KCNN2: variants seen among roughly 807,000 people sequenced by gnomAD.
The protein encoded by KCNN2 is potassium calcium-activated channel subfamily N member 2.
A neutral mutation model predicts 55.5 loss-of-function variants in KCNN2; 24 were observed. That is an observed-to-expected ratio of 0.43 (90% CI 0.31 to 0.61). The LOEUF (loss-of-function observed/expected upper bound fraction) is 0.61. KCNN2 is among the 20% of genes least tolerant of loss of function. The pLI, the probability that KCNN2 is intolerant of heterozygous loss-of-function variation, is 0.08. For missense variants in KCNN2, 754 were observed against 853.6 expected (o/e 0.88, Z 1.45); for synonymous variants, 431 against 336.1 (o/e 1.28, Z -3.09).
At position 114,467,659 on chromosome 5, in the gene KCNN2, C is replaced by T. The variant is rs1296863128; in HGVS notation, c.1779+4469C>T. Among the ~76,000 whole-genome samples the T allele has an allele frequency of 6.6e-5, 10 of 152,178 alleles. No homozygotes were observed. The South Asian group carries it at 1.0e-3, about 16-fold the overall frequency. On this transcript the variant is annotated intron_variant, in intron 4 of 7. Transcript: ENST00000673685. ...CCCCACCAATGTCCTTTCTTGAGGACCTTCACTTCCCACCAAGAAATTTCA... is the reference window on the plus strand; with the variant it reads ...CCCCACCAATGTCCTTTCTTGAGGATCTTCACTTCCCACCAAGAAATTTCA...
intron 2 of KCNN2, among the ~76,000 whole-genome samples, chr5:114,322,467 A>C (rs1756631036): frequency 6.6e-6 from 1 of 152,150 alleles, no homozygotes; most frequent in African/African-American, 2.4e-5. Context: ...GAAAACACTA[A>C]TTACAGTTCA....
chr5:114,406,291 G>A (rs1325907385), intron 3 of KCNN2, among the ~76,000 whole-genome samples: 1 of 147,360 alleles, frequency 6.8e-6, no homozygotes, highest in Non-Finnish European at 1.5e-5. Flanking sequence ...ATTTTTTGTT[G>A]TTGTTTTGGA....
chr5:114,187,318 G>A (rs1753353533), intron 1 of KCNN2, among the ~76,000 whole-genome samples: 1 of 151,938 alleles, frequency 6.6e-6, no homozygotes, highest in Non-Finnish European at 1.5e-5. Flanking sequence ...CTATAGGCAA[G>A]AGGTGGAAAA....
chr5:114,235,445 A>G (rs939164185), intron 2 of KCNN2, among the ~76,000 whole-genome samples: 1 of 152,224 alleles, frequency 6.6e-6, no homozygotes, highest in Non-Finnish European at 1.5e-5. Flanking sequence ...ATAAAACAAA[A>G]CAATTATTCT....
intron 3 of KCNN2, among the ~76,000 whole-genome samples, chr5:114,432,209 C>A (rs1219087201): frequency 6.6e-6 from 1 of 152,166 alleles, no homozygotes; most frequent in Non-Finnish European, 1.5e-5. Context: ...TTCTTTTCTC[C>A]TTGCAGTTCT....
chr5:114,453,612 CCTT>C (rs1339465814), intron 3 of KCNN2, among the ~76,000 whole-genome samples: 2 of 152,274 alleles, frequency 1.3e-5, no homozygotes, highest in East Asian at 3.9e-4. Context: ...TCCATATTAT[CCTT>C]CTGGAAAGAT....
chr5:114,056,679 TC>T (rs1750216166), intron 1 of KCNN2, among the ~76,000 whole-genome samples: 1 of 152,092 alleles, frequency 6.6e-6, no homozygotes, highest in African/African-American at 2.4e-5. Flanking sequence ...GGTGGGTGAC[TC>T]CCTTAGGCTA....
intron 1 of KCNN2, among the ~76,000 whole-genome samples, chr5:114,162,038 C>T (rs1372436160): frequency 6.6e-6 from 1 of 152,218 alleles, no homozygotes; most frequent in African/African-American, 2.4e-5. Context: ...TGTTCCATTG[C>T]TGGTGAGGAG....
chr5:114,258,431 G>A (rs995293672), intron 2 of KCNN2, among the ~76,000 whole-genome samples: 33 of 152,066 alleles, frequency 2.2e-4, no homozygotes, highest in Admixed American at 2.0e-3. Context: ...CCAGTTCTTC[G>A]TATGTCTGGG....
chr5:114,166,468 A>C (rs1282426329), intron 1 of KCNN2, among the ~76,000 whole-genome samples: 1 of 152,058 alleles, frequency 6.6e-6, no homozygotes, highest in African/African-American at 2.4e-5. Flanking sequence ...TGTGTTTTTC[A>C]AAAAACACAT....
chr5:114,374,547 G>A (rs371490153), intron 2 of KCNN2, among the ~76,000 whole-genome samples: 87 of 152,304 alleles, frequency 5.7e-4, no homozygotes, highest in African/African-American at 2.0e-3. Flanking sequence ...ATTTCTGTGT[G>A]TAAATATGAC....
chr5:114,328,595 C>T (rs958883610), intron 2 of KCNN2, among the ~76,000 whole-genome samples: 2 of 152,078 alleles, frequency 1.3e-5, no homozygotes, highest in Non-Finnish European at 2.9e-5. Context: ...GTTTGAGTGA[C>T]GGTTGTTTAT....
At position 114,464,100 on chromosome 5, in the gene KCNN2, T is replaced by C. The variant is rs563818641; in HGVS notation, c.1779+910T>C. On this transcript the variant is annotated intron_variant, in intron 4 of 7. Transcript: ENST00000673685. ...GCCATCGTTCTTCTGGCATGCCTCATAGGCTCAGACATCTTTTTTGCCCCT... is the reference window on the plus strand; with the variant it reads ...GCCATCGTTCTTCTGGCATGCCTCACAGGCTCAGACATCTTTTTTGCCCCT... Among the ~76,000 whole-genome samples the C allele has an allele frequency of 5.2e-4, 79 of 152,258 alleles. 1 individual carries two copies. Among genetic ancestry groups the C allele is most frequent in the African/African-American group, 1.8e-3 (76 of 41,558 alleles).
intron 1 of KCNN2, among the ~76,000 whole-genome samples, chr5:114,066,441 A>G (rs1413985548): frequency 6.6e-6 from 1 of 152,240 alleles, no homozygotes; most frequent in African/African-American, 2.4e-5. Context: ...TCTGAGAGCA[A>G]TTCCCTTGGG....
At chr5:114,383,172 T>C (rs770025939) in intron 2 of KCNN2, among the ~76,000 whole-genome samples, 26 of 152,172 alleles carry the variant, frequency 1.7e-4, no homozygotes, top group Non-Finnish European at 3.1e-4. Context: ...TGCAGTTACC[T>C]GAAGGGTTTG....
intron 2 of KCNN2, among the ~76,000 whole-genome samples, chr5:114,267,674 T>G (rs1163762765): frequency 6.6e-6 from 1 of 152,158 alleles, no homozygotes; most frequent in Non-Finnish European, 1.5e-5. Flanking sequence ...CCCTTTGTCC[T>G]ATTAAATAAA....
intron 3 of KCNN2, among the ~76,000 whole-genome samples, chr5:114,421,979 T>A (rs1182087238): frequency 6.6e-6 from 1 of 152,256 alleles, no homozygotes; most frequent in Non-Finnish European, 1.5e-5. Context: ...TTAATCTTTT[T>A]GGTCTTTTTT....
At chr5:114,440,619 GGTGTGATTAGATT>G (rs1760169716) in intron 3 of KCNN2, among the ~76,000 whole-genome samples, 2 of 144,268 alleles carry the variant, frequency 1.4e-5, no homozygotes, top group Non-Finnish European at 1.5e-5. Context: ...ACATGGTACA[GGTGTGATTAGATT>G]TAAAGCCTTC....
At chr5:114,445,783 C>T (rs950245673) in intron 3 of KCNN2, among the ~76,000 whole-genome samples, 5 of 152,158 alleles carry the variant, frequency 3.3e-5, no homozygotes, top group Non-Finnish European at 5.9e-5. Flanking sequence ...GCCAGGTGAG[C>T]AGAACCTCAG....
Sources: allele counts gnomAD v4.1 joint callset (sites outside exome capture counted in the v4.1 genomes callset), GRCh38; gene constraint gnomAD v4.1.1; transcripts MANE v1.5; gene names NCBI Gene and HGNC (gene_info 2026-07-23, HGNC 2026-07-21).